The following RAB3C variants were observed in gnomAD, a reference collection of about 807,000 sequenced individuals.
RAB3C encodes ras-related protein Rab-3C.
A neutral mutation model predicts 26.4 loss-of-function variants in RAB3C; 17 were observed. The ratio of observed to expected loss-of-function variants is 0.64; its 90% CI spans 0.44 to 0.97. The LOEUF is 0.97. Among genes scored for constraint, RAB3C ranks in the 50% least tolerant of loss-of-function variants. The pLI, the probability that RAB3C is intolerant of heterozygous loss-of-function variation, is 0.00. For synonymous variants in RAB3C, 91 were observed against 95.9 expected (o/e 0.95, Z 0.30); for missense variants, 242 against 281.9 (o/e 0.86, Z 1.01).
intron 1 of RAB3C, among the ~76,000 whole-genome samples, chr5:58,584,546 G>A (rs1018492377): frequency 4.6e-5 from 7 of 151,970 alleles, no homozygotes; most frequent in Non-Finnish European, 1.0e-4. Flanking sequence ...AAGATATATT[G>A]GTTTATGATA....
intron 2 of RAB3C, among the ~76,000 whole-genome samples, chr5:58,693,608 T>G (rs1307157665): frequency 6.6e-6 from 1 of 152,096 alleles, no homozygotes; most frequent in Non-Finnish European, 1.5e-5. Flanking sequence ...GAAAAGTGAC[T>G]CCAAGTGACT....
intron 2 of RAB3C, among the ~76,000 whole-genome samples, chr5:58,660,637 T>A (rs1434761329): frequency 6.6e-6 from 1 of 150,396 alleles, no homozygotes; most frequent in Non-Finnish European, 1.5e-5. Flanking sequence ...GTGTAATTAA[T>A]GCCAACAAGA....
intron 2 of RAB3C, among the ~76,000 whole-genome samples, chr5:58,704,403 C>T (rs1355785897): frequency 1.3e-5 from 2 of 152,124 alleles, no homozygotes; most frequent in Admixed American, 1.3e-4. Flanking sequence ...AGCAGCTAGA[C>T]TTCCAAATTA....
At chr5:58,672,769 T>C (rs1748146550) in intron 2 of RAB3C, among the ~76,000 whole-genome samples, 1 of 152,212 alleles carries the variant, frequency 6.6e-6, no homozygotes, top group Non-Finnish European at 1.5e-5. Flanking sequence ...CTAGATAACC[T>C]TTGTTTTTAC....
chr5:58,717,687 C>T (rs1035393), intron 2 of RAB3C, among the ~76,000 whole-genome samples: 91,459 of 151,978 alleles, frequency 0.6, 28,032 homozygotes, highest in African/African-American at 0.69. Flanking sequence ...AATGGCAAAA[C>T]GTCTCAAGTG....
intron 3 of RAB3C, among the ~76,000 whole-genome samples, chr5:58,733,247 C>T (rs185688770): frequency 3.9e-5 from 6 of 152,132 alleles, no homozygotes; most frequent in East Asian, 3.9e-4. Context: ...ACATAGAAAA[C>T]GCAGACCATA....
intron 1 of RAB3C, among the ~76,000 whole-genome samples, chr5:58,597,494 CATTATATATAAGCATATAACAATAT>C (rs1746341311): frequency 1.9e-5 from 2 of 103,476 alleles, no homozygotes; most frequent in African/African-American, 3.7e-5. Flanking sequence ...ATATATAGTT[CATTATATATAAGCATATAACAATAT>C]ATAGTTCATT....
At chr5:58,720,122 T>C (rs1740715389) in intron 2 of RAB3C, among the ~76,000 whole-genome samples, 1 of 151,954 alleles carries the variant, frequency 6.6e-6, no homozygotes, top group Non-Finnish European at 1.5e-5. Flanking sequence ...AATTTTAAAT[T>C]GCTATGCTGT....
chr5:58,840,490 T>G (rs1021444603), intron 4 of RAB3C, among the ~76,000 whole-genome samples: 6 of 152,258 alleles, frequency 3.9e-5, no homozygotes, highest in African/African-American at 1.4e-4. Context: ...TGAGGTCTGT[T>G]ACTTGAGAAT....
intron 2 of RAB3C, among the ~76,000 whole-genome samples, chr5:58,622,196 C>T (rs1420159627): frequency 2.0e-5 from 3 of 152,056 alleles, no homozygotes; most frequent in Non-Finnish European, 4.4e-5. Flanking sequence ...CCCTCAGTTG[C>T]CTGGCACTTA....
chr5:58,717,300 C>T (rs1171746526), intron 2 of RAB3C, among the ~76,000 whole-genome samples: 2 of 152,076 alleles, frequency 1.3e-5, no homozygotes, highest in Non-Finnish European at 2.9e-5. Context: ...CCTTTCTGTC[C>T]CTTCTTTTTG....
At chr5:58,778,537 T>C (rs1272568789) in intron 3 of RAB3C, among the ~76,000 whole-genome samples, 1 of 152,118 alleles carries the variant, frequency 6.6e-6, no homozygotes, top group Non-Finnish European at 1.5e-5. Flanking sequence ...AAACAGTGGA[T>C]AAAGGATAGA....
chr5:58,600,845 C>G (rs373020285), intron 1 of RAB3C, among the ~76,000 whole-genome samples: 1 of 152,118 alleles, frequency 6.6e-6, no homozygotes, highest in Middle Eastern at 3.4e-3. Flanking sequence ...ATTTCTTTCT[C>G]GTCTGATTAC....
At chr5:58,630,894 G>T (rs1348190706) in intron 2 of RAB3C, among the ~76,000 whole-genome samples, 6 of 152,152 alleles carry the variant, frequency 3.9e-5, no homozygotes, top group Non-Finnish European at 1.5e-5. Flanking sequence ...TGATAAAGAG[G>T]CCTTGTTGTT....
intron 1 of RAB3C, among the ~76,000 whole-genome samples, chr5:58,601,780 C>T (rs1746463584): frequency 6.6e-6 from 1 of 151,960 alleles, no homozygotes; most frequent in South Asian, 2.1e-4. Context: ...TTTTATTTAT[C>T]TTTTCAAAGA....
intron 2 of RAB3C, among the ~76,000 whole-genome samples, chr5:58,680,671 C>T (rs1748326837): frequency 1.3e-5 from 2 of 152,128 alleles, no homozygotes; most frequent in African/African-American, 4.8e-5. Context: ...GTTTACCCAG[C>T]TTGTAGAGAT....
chr5:58,676,413 G>A (rs1299534984), intron 2 of RAB3C, among the ~76,000 whole-genome samples: 1 of 152,068 alleles, frequency 6.6e-6, no homozygotes, highest in East Asian at 1.9e-4. Context: ...TGAGGCAGGA[G>A]AATCGCTTGA....
At chr5:58,798,272 C>T (rs965688582) in intron 3 of RAB3C, among the ~76,000 whole-genome samples, 9 of 151,984 alleles carry the variant, frequency 5.9e-5, no homozygotes, top group Non-Finnish European at 1.0e-4. Flanking sequence ...AGTCTCAAAG[C>T]GTCATGCCAC....
intron 2 of RAB3C, among the ~76,000 whole-genome samples, chr5:58,724,487 C>T (rs1740839697): frequency 6.6e-6 from 1 of 151,484 alleles, no homozygotes; most frequent in Non-Finnish European, 1.5e-5. Flanking sequence ...TTCCTTTTTT[C>T]CCCCCACAGT....
Sources: gnomAD v4.1 joint callset for allele counts (sites outside exome capture counted in the v4.1 genomes callset) on GRCh38, gnomAD v4.1.1 for gene constraint, MANE v1.5 for transcripts, NCBI Gene and HGNC (gene_info 2026-07-23, HGNC 2026-07-21) for gene names.